Variants in CRPPA observed in about 807,000 individuals in gnomAD.
The protein encoded by CRPPA is CDP-L-ribitol pyrophosphorylase A, also known as D-ribitol-5-phosphate cytidylyltransferase.
CRPPA carries 43 observed loss-of-function variants against 52.0 expected under a neutral mutation model. The observed-to-expected ratio is 0.83, with a 90% CI of 0.65 to 1.07. The LOEUF is 1.07. CRPPA is among the 50% of genes least tolerant of loss of function. CRPPA has a pLI of 0.00. For missense variants in CRPPA, 629 were observed against 551.7 expected, an observed-to-expected ratio of 1.14 and a Z score of -1.40; for synonymous variants, 250 against 203.5, an observed-to-expected ratio of 1.23 and a Z score of -1.94.
chr7:16,298,849 A>G (rs1784727176), intron 5 of CRPPA, among the ~76,000 whole-genome samples: 1 of 152,204 alleles, frequency 6.6e-6, no homozygotes, highest in Admixed American at 6.5e-5. Flanking sequence ...AAGGAAAGGC[A>G]GATTCTCCCT....
In CRPPA at chr7:16,362,076, G is replaced by A. The variant is rs186676348; in HGVS notation, c.684+14016C>T. 1.3e-3 allele frequency among the ~76,000 whole-genome samples: 200 copies of A among 152,132 alleles called. 8 individuals carry two copies. In the East Asian group the frequency reaches 0.034, roughly 25 times the overall value. ...TCACCATGTTAGCCAGGATGGTCTC[G>A]ATCTCCTGACCTCGTGATCCGCCCG... is the stretch of plus-strand genomic sequence containing the variant. On this transcript the variant is annotated intron_variant, in intron 3 of 9. Coordinates refer to ENST00000407010, the MANE Select transcript of CRPPA (RefSeq NM_001101426.4).
In CRPPA at chr7:16,408,118, A is replaced by T. The variant is rs539073592; in HGVS notation, c.258-1781T>A. Among the ~76,000 whole-genome samples, 54 of 150,878 alleles carry T rather than the reference A, an allele frequency of 3.6e-4. 1 individual carries two copies. Among genetic ancestry groups the T allele is most frequent in the Admixed American group, 5.9e-4 (9 of 15,182 alleles). ...GCAGGACTCTGTCTTTAAAAAAAAA[A>T]AAATAAAAAAATAACTTATCAGCAT... On this transcript the variant is annotated intron_variant, in intron 1 of 9. Transcript: ENST00000407010.
At position 16,091,485 on chromosome 7, in the gene CRPPA, G is replaced by C. The variant is rs1781835768; in HGVS notation, c.*210C>G. 4.8e-6 allele frequency: 2 copies of C among 415,890 alleles called. No individual in the cohort carries two copies. The highest frequency in any genetic ancestry group is 4.2e-5 in the African/African-American group (2 of 47,240). The allele number at this position is 415,890 out of a possible 1,614,324, so 25.8% of individuals were successfully genotyped here. A position where few individuals can be genotyped will look rare whatever the true frequency, so the allele number is the denominator to read the frequency against. ...TTATCTACTATTTTTTTCTGGTTCA[G>C]GCAATTAATATTTGTCATACACAAA... On this transcript the variant is annotated 3_prime_UTR_variant, in exon 10 of 10. Transcript: ENST00000407010.
At chr7:16,378,607 G>A (rs1255429161) in intron 2 of CRPPA, among the ~76,000 whole-genome samples, 4 of 151,824 alleles carry the variant, frequency 2.6e-5, no homozygotes, top group African/African-American at 9.7e-5. Flanking sequence ...ATGATTTATA[G>A]TCCTTTGGGT....
At chr7:16,201,693 T>G (rs1781864100) in intron 9 of CRPPA, among the ~76,000 whole-genome samples, 2 of 152,178 alleles carry the variant, frequency 1.3e-5, no homozygotes, top group Non-Finnish European at 1.5e-5. Context: ...CTCGCTGAGC[T>G]GCAGGGCAGT....
chr7:16,393,637 T>C (rs571760657), intron 2 of CRPPA, among the ~76,000 whole-genome samples: 2 of 152,304 alleles, frequency 1.3e-5, no homozygotes, highest in East Asian at 1.9e-4. Context: ...AAATGGTGAA[T>C]ATCTTCATGA....
chr7:16,234,952 A>C (rs1782904928), intron 8 of CRPPA, among the ~76,000 whole-genome samples: 1 of 152,130 alleles, frequency 6.6e-6, no homozygotes, highest in African/African-American at 2.4e-5. Flanking sequence ...GTACATGTGG[A>C]GAACTATAAA....
intron 9 of CRPPA, among the ~76,000 whole-genome samples, chr7:16,187,231 T>A (rs1422718646): frequency 2.0e-5 from 3 of 152,188 alleles, no homozygotes; most frequent in Admixed American, 2.0e-4. Context: ...GCATATGTAC[T>A]ACATTGTTCC....
chr7:16,100,600 G>A (rs1374953091), intron 9 of CRPPA, among the ~76,000 whole-genome samples: 1 of 152,186 alleles, frequency 6.6e-6, no homozygotes, highest in Non-Finnish European at 1.5e-5. Context: ...TCTGCAAACA[G>A]AGACAATTTG....
At chr7:16,369,572 C>T (rs746960701) in intron 3 of CRPPA, among the ~76,000 whole-genome samples, 2 of 152,112 alleles carry the variant, frequency 1.3e-5, no homozygotes, top group Non-Finnish European at 2.9e-5. Context: ...CCTGCCCTCA[C>T]AGAACTGAGG....
At chr7:16,378,537 T>C (rs1463762117) in intron 2 of CRPPA, among the ~76,000 whole-genome samples, 1 of 152,096 alleles carries the variant, frequency 6.6e-6, no homozygotes, top group Non-Finnish European at 1.5e-5. Flanking sequence ...TGGTTCCAAG[T>C]ATTTGCTATT....
intron 3 of CRPPA, among the ~76,000 whole-genome samples, chr7:16,312,732 A>AT (rs1785060367): frequency 6.6e-6 from 1 of 151,942 alleles, no homozygotes; most frequent in Non-Finnish European, 1.5e-5. Flanking sequence ...TTCTGTGGAT[A>AT]TTTTTTTAAA....
At chr7:16,222,955 A>G (rs1402789856) in intron 8 of CRPPA, among the ~76,000 whole-genome samples, 3 of 152,162 alleles carry the variant, frequency 2.0e-5, no homozygotes, top group Admixed American at 2.0e-4. Context: ...GAACATTTAA[A>G]GTCCTCTTTT....
chr7:16,148,009 A>G (rs1783006545), intron 9 of CRPPA, among the ~76,000 whole-genome samples: 1 of 152,134 alleles, frequency 6.6e-6, no homozygotes, highest in Non-Finnish European at 1.5e-5. Context: ...AATCACCTCA[A>G]ACTATAATAA....
At chr7:16,239,191 G>A (rs1783036476) in intron 8 of CRPPA, among the ~76,000 whole-genome samples, 1 of 142,814 alleles carries the variant, frequency 7.0e-6, no homozygotes, top group Non-Finnish European at 1.5e-5. Context: ...ATCCCACTCT[G>A]TTTACAGATC....
chr7:16,251,691 C>T (rs942776065), intron 8 of CRPPA, among the ~76,000 whole-genome samples: 15 of 152,120 alleles, frequency 9.9e-5, no homozygotes, highest in African/African-American at 3.6e-4. Flanking sequence ...GGAACCAAGA[C>T]ACAACATACC....
intron 5 of CRPPA, among the ~76,000 whole-genome samples, chr7:16,279,751 C>G (rs953834159): frequency 6.6e-6 from 1 of 152,098 alleles, no homozygotes; most frequent in African/African-American, 2.4e-5. Flanking sequence ...AAGAAGGAAA[C>G]AACATTTTAA....
At chr7:16,173,209 G>T (rs1213660243) in intron 9 of CRPPA, among the ~76,000 whole-genome samples, 1 of 152,178 alleles carries the variant, frequency 6.6e-6, no homozygotes, top group Non-Finnish European at 1.5e-5. Flanking sequence ...TCATCCAGGT[G>T]GTTCTAGTGC....
At chr7:16,254,557 G>C (rs1043658106) in intron 8 of CRPPA, among the ~76,000 whole-genome samples, 1 of 151,916 alleles carries the variant, frequency 6.6e-6, no homozygotes, top group Non-Finnish European at 1.5e-5. Context: ...TTGGACACAG[G>C]GTGGGGAACA....
Sources: gnomAD v4.1 joint callset for allele counts (sites outside exome capture counted in the v4.1 genomes callset) on GRCh38, gnomAD v4.1.1 for gene constraint, MANE v1.5 for transcripts, NCBI Gene and HGNC (gene_info 2026-07-23, HGNC 2026-07-21) for gene names.